The following EPHA5 variants were observed in gnomAD, a reference collection of about 807,000 sequenced individuals.
EPHA5 encodes the protein ephrin type-A receptor 5.
EPHA5 carries 60 observed loss-of-function variants against 105.0 expected under a neutral mutation model. The ratio of observed to expected loss-of-function variants is 0.57; its 90% CI spans 0.46 to 0.71. The LOEUF is 0.71. Among genes scored for constraint, EPHA5 ranks in the 30% least tolerant of loss-of-function variants. The probability of loss-of-function intolerance (pLI) is 0.00; values close to 1 mark genes in which losing one functional copy is unlikely to be tolerated. For synonymous variants in EPHA5, 513 were observed against 449.1 expected (o/e 1.14, Z -1.80); for missense variants, 1,218 against 1,274.7 (o/e 0.96, Z 0.68).
At chr4:65,626,040 G>A (rs1050321974) in intron 2 of EPHA5, among the ~76,000 whole-genome samples, 1 of 149,958 alleles carries the variant, frequency 6.7e-6, no homozygotes, top group African/African-American at 2.5e-5. Context: ...GGCGGAGCTT[G>A]CAGTGAGCCG....
intron 5 of EPHA5, among the ~76,000 whole-genome samples, chr4:65,477,317 G>A (rs1729917701): frequency 1.3e-5 from 2 of 152,092 alleles, no homozygotes; most frequent in Admixed American, 1.3e-4. Context: ...AGAGCATTCT[G>A]GCTCTAGTAT....
intron 3 of EPHA5, among the ~76,000 whole-genome samples, chr4:65,548,607 A>G (rs960241454): frequency 6.6e-6 from 1 of 152,140 alleles, no homozygotes; most frequent in Non-Finnish European, 1.5e-5. Context: ...ATATAAAGCA[A>G]TACACTTTGG....
chr4:65,462,718 G>A (rs934100377), intron 5 of EPHA5, among the ~76,000 whole-genome samples: 7 of 152,140 alleles, frequency 4.6e-5, no homozygotes, highest in African/African-American at 1.7e-4. Flanking sequence ...GATCTTTAGA[G>A]GCATTAGCAA....
At chr4:65,657,257 A>G (rs13129345) in intron 1 of EPHA5, among the ~76,000 whole-genome samples, 8,363 of 152,284 alleles carry the variant, frequency 0.055, 313 homozygotes, top group South Asian at 0.094. Flanking sequence ...TAAACCATTT[A>G]GAAACACATG....
At chr4:65,423,940 T>C (rs760788022) in intron 5 of EPHA5, among the ~76,000 whole-genome samples, 11 of 152,000 alleles carry the variant, frequency 7.2e-5, no homozygotes, top group Non-Finnish European at 1.2e-4. Context: ...CATATTCCTA[T>C]ACATAACTAC....
intron 14 of EPHA5, among the ~76,000 whole-genome samples, chr4:65,342,271 T>C (rs918888531): frequency 6.6e-6 from 1 of 152,114 alleles, no homozygotes; most frequent in African/African-American, 2.4e-5. Context: ...ATGAGGCTAC[T>C]AGTTCCTAAA....
At chr4:65,366,351 G>A (rs774333592) in intron 9 of EPHA5, among the ~76,000 whole-genome samples, 2 of 151,682 alleles carry the variant, frequency 1.3e-5, no homozygotes, top group South Asian at 2.1e-4. Context: ...GTTATTCACC[G>A]AACTGGACAA....
chr4:65,464,503 G>A (rs1226648460), intron 5 of EPHA5, among the ~76,000 whole-genome samples: 7 of 151,976 alleles, frequency 4.6e-5, no homozygotes, highest in African/African-American at 7.2e-5. Flanking sequence ...AAAATCAAAC[G>A]TTGTGATAGT....
chr4:65,478,442 TTC>T (rs1730042140), intron 5 of EPHA5, among the ~76,000 whole-genome samples: 1 of 152,212 alleles, frequency 6.6e-6, no homozygotes, highest in Admixed American at 6.5e-5. Flanking sequence ...TACAATATAT[TTC>T]CCTCCATTTG....
intron 3 of EPHA5, among the ~76,000 whole-genome samples, chr4:65,591,090 G>A (rs1193639320): frequency 6.6e-6 from 1 of 151,916 alleles, no homozygotes; most frequent in Non-Finnish European, 1.5e-5. Flanking sequence ...TTCAACTCAT[G>A]TTAAATTTTT....
At chr4:65,648,709 C>T (rs1256538012) in intron 1 of EPHA5, among the ~76,000 whole-genome samples, 3 of 152,162 alleles carry the variant, frequency 2.0e-5, no homozygotes, top group Non-Finnish European at 4.4e-5. Flanking sequence ...TGGATGCTTG[C>T]TTATTGACTT....
Position 65,347,106 on chromosome 4 carries a change from A to G in EPHA5, c.2595+948T>C, listed in dbSNP as rs146093895. ...ACAAAATTCAGCTGGAGAGCTATATAGTATCTGTCTAACCAACCCTGAAGG... is the reference window on the plus strand; with the variant it reads ...ACAAAATTCAGCTGGAGAGCTATATGGTATCTGTCTAACCAACCCTGAAGG... On this transcript the variant is annotated intron_variant, in intron 14 of 16. Coordinates refer to ENST00000613740, the MANE Select transcript of EPHA5 (RefSeq NM_001281766.3). Among the ~76,000 whole-genome samples the G allele has an allele frequency of 5.3e-3, 804 of 152,324 alleles. 12 individuals are homozygous for G. The highest frequency in any genetic ancestry group is 0.019 in the African/African-American group (774 of 41,570).
At chr4:65,400,030 C>T (rs1329604583) in intron 8 of EPHA5, among the ~76,000 whole-genome samples, 1 of 151,738 alleles carries the variant, frequency 6.6e-6, no homozygotes, top group Admixed American at 6.6e-5. Context: ...ATAAAAAAGT[C>T]AATTTTATAT....
At chr4:65,375,604 A>G (rs1293334382) in intron 8 of EPHA5, among the ~76,000 whole-genome samples, 1 of 151,934 alleles carries the variant, frequency 6.6e-6, no homozygotes, top group Non-Finnish European at 1.5e-5. Context: ...CTTCCATTGA[A>G]GCATTTTTGA....
At position 65,320,842 on chromosome 4, in the gene EPHA5, G is replaced by A. The variant is rs1560405347; in HGVS notation, c.*3272C>T. 4.3e-6 allele frequency: 1 copy of A among 229,928 alleles called. No individual in the cohort carries two copies. The highest frequency in any genetic ancestry group is 8.6e-6 in the Non-Finnish European group (1 of 116,026). 14.2% of individuals were successfully genotyped at this position (229,928 alleles called of 1,614,324 possible). A position where few individuals can be genotyped will look rare whatever the true frequency, so the allele number is the denominator to read the frequency against. ...GGCAACTCTGAAACCAATAATGCTG[G>A]CCACACTTAAGTTTAGATAAAATAT... On this transcript the variant is annotated 3_prime_UTR_variant, in exon 17 of 17. Transcript: ENST00000613740.
chr4:65,636,458 T>G (rs1054578917), intron 2 of EPHA5, among the ~76,000 whole-genome samples: 2 of 152,104 alleles, frequency 1.3e-5, no homozygotes, highest in Non-Finnish European at 2.9e-5. Context: ...GGGATTGAAA[T>G]GGACTCAGTC....
intron 6 of EPHA5, among the ~76,000 whole-genome samples, chr4:65,419,287 C>T (rs192367000): frequency 6.6e-6 from 1 of 152,098 alleles, no homozygotes; most frequent in Admixed American, 6.5e-5. Flanking sequence ...GTGAGGAGAA[C>T]CATTTATTCT....
At chr4:65,512,641 C>G (rs906587493) in intron 3 of EPHA5, among the ~76,000 whole-genome samples, 7 of 152,114 alleles carry the variant, frequency 4.6e-5, no homozygotes, top group African/African-American at 1.7e-4. Flanking sequence ...CTGAGGACCC[C>G]TAGAGGCCCA....
intron 3 of EPHA5, among the ~76,000 whole-genome samples, chr4:65,535,023 A>G (rs966820376): frequency 6.6e-6 from 1 of 152,168 alleles, no homozygotes; most frequent in African/African-American, 2.4e-5. Flanking sequence ...CTCACTCATG[A>G]TTATTTTTTC....
Sources: allele counts gnomAD v4.1 joint callset (sites outside exome capture counted in the v4.1 genomes callset), GRCh38; gene constraint gnomAD v4.1.1; transcripts MANE v1.5; gene names NCBI Gene and HGNC (gene_info 2026-07-23, HGNC 2026-07-21).